CENPE: variants seen among roughly 807,000 people sequenced by gnomAD.
CENPE encodes the protein centromere-associated protein E.
A neutral mutation model predicts 336.1 loss-of-function variants in CENPE; 145 were observed. The observed-to-expected ratio is 0.43, with a 90% CI of 0.38 to 0.50. CENPE has a LOEUF of 0.50. Ranked by LOEUF, CENPE falls within the 20% of genes least tolerant of loss-of-function variation. CENPE has a pLI of 0.00. For missense variants in CENPE, 2,719 were observed against 3,023.3 expected (o/e 0.90, Z 2.36); for synonymous variants, 1,013 against 984.8 (o/e 1.03, Z -0.54).
rs1465657869 is a variant in CENPE at position 103,176,121 on chromosome 4, T to TA, written c.1391-74dup. 8 of 866,220 alleles carry TA rather than the reference T, an allele frequency of 9.2e-6. No individual in the cohort carries two copies. In the African/African-American group the frequency reaches 1.0e-4, roughly 11 times the overall value. The allele number at this position is 866,220 out of a possible 1,614,324, so 53.7% of individuals were successfully genotyped here. On this transcript the variant is annotated intron_variant, in intron 14 of 48. Coordinates refer to ENST00000265148, the MANE Select transcript of CENPE (RefSeq NM_001813.3). ...TTTCCTAAGTCAAATTAAAGATTACTAAAAAAATTCTTATCAGAGATACTA... is the reference window on the plus strand; with the variant it reads ...TTTCCTAAGTCAAATTAAAGATTACTAAAAAAAATTCTTATCAGAGATACTA...
At chr4:103,183,327 C>G in intron 9 of CENPE, 39 bp from the exon 10 acceptor site, 1 of 1,498,318 alleles carries the variant, frequency 6.7e-7, no homozygotes, top group Non-Finnish European at 9.2e-7. Context: ...AAACTTGACT[C>G]CTTTTCTAGA....
chr4:103,185,290 G>C (rs1243274915), intron 9 of CENPE, among the ~76,000 whole-genome samples: 1 of 147,916 alleles, frequency 6.8e-6, no homozygotes, highest in Non-Finnish European at 1.5e-5. Flanking sequence ...GGGAGACAGA[G>C]TGAGAGTCTG....
chr4:103,132,959 T>TA lies in CENPE; in HGVS notation c.6721-64_6721-63insT, dbSNP rs1246149899. The stretch of plus-strand genomic sequence containing the variant: ...GGAAAGTTTTGATCCAAATATTTTA[T>TA]TTATATATATATATATATATATATA... On this transcript the variant is annotated intron_variant, in intron 41 of 48. Coordinates refer to ENST00000265148, the MANE Select transcript of CENPE (RefSeq NM_001813.3). 2.1e-3 allele frequency: 490 copies of TA among 231,838 alleles called. 4 individuals carry two copies. The highest frequency in any genetic ancestry group is 0.011 in the African/African-American group (364 of 33,810). 14.4% of individuals were successfully genotyped at this position (231,838 alleles called of 1,614,324 possible). A position where few individuals can be genotyped will look rare whatever the true frequency, so the allele number is the denominator to read the frequency against.
intron 17 of CENPE, 67 bp from the exon 18 acceptor site, chr4:103,163,323 A>G: frequency 7.2e-7 from 1 of 1,386,994 alleles, no homozygotes; most frequent in East Asian, 2.3e-5. Context: ...TTAAAACAGA[A>G]CTTATATATA....
chr4:103,145,019 C>T, intron 32 of CENPE, 31 bp downstream of exon 32: 1 of 1,231,954 alleles, frequency 8.1e-7, no homozygotes, highest in Non-Finnish European at 1.1e-6. Context: ...TTTCTGTATC[C>T]AAAAAAAAAA....
At position 103,182,769 on chromosome 4, in the gene CENPE, G is replaced by A; in HGVS notation, c.956C>T (p.Ala319Val). The A allele has an allele frequency of 6.2e-7, 1 of 1,608,594 alleles. No individual in the cohort carries two copies. The highest frequency in any genetic ancestry group is 8.5e-7 in the Non-Finnish European group (1 of 1,177,142). Residue 319 changes from alanine to valine, a missense_variant, in exon 11 of 49, where the codon GCT becomes GTT. Physicochemically the swap from Ala to Val is moderately conservative, Grantham distance 64. This residue lies in a region of CENPE where 117 missense variants were observed against 215.8 expected (regional missense o/e 0.54). Transcript: ENST00000265148. Reference sequence around the variant, plus strand: ...GATAAAAATCAAACTCACCTGGAGAGCAGTAAGTGTTTCATCAAAAGATAC... The same window carrying A: ...GATAAAAATCAAACTCACCTGGAGAACAGTAAGTGTTTCATCAAAAGATAC... ...TPVSFDETLTALQFASTAKYM... is the reference protein window; with the variant it reads ...TPVSFDETLTVLQFASTAKYM...
intron 44 of CENPE, among the ~76,000 whole-genome samples, chr4:103,119,567 G>A (rs546721673): frequency 6.6e-6 from 1 of 152,188 alleles, no homozygotes; most frequent in Non-Finnish European, 1.5e-5. Context: ...TTTAACTGGA[G>A]AGAAAAGACA....
intron 26 of CENPE, 146 bp from the exon 27 acceptor site, chr4:103,149,554 C>G: frequency 1.4e-6 from 1 of 719,388 alleles, no homozygotes; most frequent in Non-Finnish European, 2.2e-6. Context: ...TAAATGTCTG[C>G]AGTGGTTTGA....
chr4:103,124,767 C>G (rs1316706358), intron 42 of CENPE, among the ~76,000 whole-genome samples: 1 of 152,188 alleles, frequency 6.6e-6, no homozygotes, highest in Non-Finnish European at 1.5e-5. Context: ...TCCCTAACTT[C>G]TTTGTGGCTT....
At chr4:103,151,028 AT>A (rs1200900838) in intron 26 of CENPE, among the ~76,000 whole-genome samples, 190 bp downstream of exon 26, 3 of 152,216 alleles carry the variant, frequency 2.0e-5, no homozygotes, top group African/African-American at 7.2e-5. Context: ...AGACTCTGGA[AT>A]AATATAATCC....
intron 44 of CENPE, 119 bp from the exon 45 acceptor site, chr4:103,116,808 CA>C: frequency 3.8e-6 from 2 of 522,836 alleles, no homozygotes; most frequent in East Asian, 6.8e-5. Context: ...CAAACAATTC[CA>C]AATATATGAA....
rs572186015 is a variant in CENPE, at chr4:103,143,266, ATTTGAGTGTTCTAAG to A, written c.5271_5285del (p.Leu1758_Asn1762del). The A allele has an allele frequency of 2.0e-4, 322 of 1,596,880 alleles. 4 individuals carry two copies. In the South Asian group the frequency reaches 3.5e-3, roughly 18 times the overall value. On this transcript the variant is annotated inframe_deletion, in exon 34 of 49. Transcript: ENST00000265148. The stretch of plus-strand genomic sequence containing the variant: ...AAAATACCTGTGCTTTTAAGGCATC[ATTTGAGTGTTCTAAG>A]TCCTTTTGCATATTTGATATTTCAT...
intron 26 of CENPE, 122 bp from the exon 27 acceptor site, chr4:103,149,530 G>T: frequency 1.2e-6 from 1 of 829,928 alleles, no homozygotes; most frequent in Non-Finnish European, 1.8e-6. Context: ...AAAAGTAAAT[G>T]AAACTCACAG....
At chr4:103,170,755 T>C (rs931245708) in intron 16 of CENPE, among the ~76,000 whole-genome samples, 9 of 152,166 alleles carry the variant, frequency 5.9e-5, no homozygotes, top group Non-Finnish European at 1.0e-4. Context: ...AGTGGTTGAA[T>C]GGATTAAAAA....
intron 13 of CENPE, 147 bp downstream of exon 13, chr4:103,180,164 T>C: frequency 3.7e-6 from 2 of 541,444 alleles, no homozygotes; most frequent in Non-Finnish European, 2.9e-6. Context: ...TTAATGAATC[T>C]CTTAGGTACT....
At chr4:103,128,759 C>T (rs1751342507) in intron 42 of CENPE, among the ~76,000 whole-genome samples, 1 of 151,890 alleles carries the variant, frequency 6.6e-6, no homozygotes, top group African/African-American at 2.4e-5. Context: ...GCATTGAATA[C>T]CAGTATTAGA....
intron 45 of CENPE, 42 bp from the exon 46 acceptor site, chr4:103,114,594 AT>A: frequency 8.0e-7 from 1 of 1,249,898 alleles, no homozygotes; most frequent in Admixed American, 1.8e-5. Context: ...TCAGCAACTG[AT>A]TTTTTACAGG....
intron 45 of CENPE, among the ~76,000 whole-genome samples, chr4:103,114,775 C>T (rs1749932486): frequency 6.6e-6 from 1 of 152,192 alleles, no homozygotes; most frequent in African/African-American, 2.4e-5. Context: ...GTCCGATTTT[C>T]TTATATTGAG....
At chr4:103,198,198 C>A in intron 1 of CENPE, 66 bp downstream of exon 1, 1 of 1,472,436 alleles carries the variant, frequency 6.8e-7, no homozygotes, top group Non-Finnish European at 9.2e-7. Flanking sequence ...TCGTAGGCCT[C>A]GCCCCTCCGG....
Sources: allele counts gnomAD v4.1 joint callset (sites outside exome capture counted in the v4.1 genomes callset), GRCh38; gene constraint gnomAD v4.1.1; regional missense constraint gnomAD v4.1.1; transcripts MANE v1.5; gene names NCBI Gene and HGNC (gene_info 2026-07-23, HGNC 2026-07-21).